The following LIPA variants were observed in gnomAD, a reference collection of about 807,000 sequenced individuals.
LIPA encodes lipase A, lysosomal acid type.
In LIPA, 26 loss-of-function variants were observed where a neutral mutation model predicts 40.6. The ratio of observed to expected loss-of-function variants is 0.64; its 90% CI spans 0.47 to 0.89. LIPA has a LOEUF of 0.89. LIPA is among the 40% of genes least tolerant of loss of function. LIPA has a pLI of 0.00. For synonymous variants in LIPA, 188 were observed against 168.4 expected (o/e 1.12, Z -0.90); for missense variants, 455 against 479.6 (o/e 0.95, Z 0.48).
At chr10:89,239,206 A>G (rs1241726378) in intron 3 of LIPA, among the ~76,000 whole-genome samples, 4 of 152,172 alleles carry the variant, frequency 2.6e-5, no homozygotes, top group Non-Finnish European at 4.4e-5. Context: ...GATACTTTCC[A>G]CTTTCCACAG....
chr10:89,234,825 C>T (rs537333792), intron 3 of LIPA, among the ~76,000 whole-genome samples: 9 of 152,328 alleles, frequency 5.9e-5, no homozygotes, highest in African/African-American at 1.7e-4. Context: ...TAGCTAGCGC[C>T]GATTGCACGC....
chr10:89,240,233 T>C (rs1349290694), intron 3 of LIPA, among the ~76,000 whole-genome samples: 2 of 152,194 alleles, frequency 1.3e-5, no homozygotes, highest in Non-Finnish European at 2.9e-5. Flanking sequence ...TACATCCCTG[T>C]CATGGAGGGC....
rs772645030 is a variant in LIPA at position 89,266,217 on chromosome 10, G to A, written c.-1-18568C>T. Among the ~76,000 whole-genome samples, 83 of 152,130 alleles carry A rather than the reference G, an allele frequency of 5.5e-4. 1 individual carries two copies. Among genetic ancestry groups the A allele is most frequent in the Non-Finnish European group, 1.0e-3 (69 of 68,024 alleles). On this transcript the variant is annotated intron_variant, in intron 1 of 5. Coordinates refer to the LIPA transcript ENST00000282673. ...GACGCAGATATTCCAGTGATGCTACGGTGCTGTTTAGTTACACTAAACACA... is the reference window on the plus strand; with the variant it reads ...GACGCAGATATTCCAGTGATGCTACAGTGCTGTTTAGTTACACTAAACACA...
In LIPA at chr10:89,267,657, C is replaced by T. The variant is rs564897741; in HGVS notation, c.-1-20008G>A. Among the ~76,000 whole-genome samples, 675 of 146,484 alleles carry T rather than the reference C, an allele frequency of 4.6e-3. 1 individual carries two copies. Among genetic ancestry groups the T allele is most frequent in the Non-Finnish European group, 7.4e-3 (493 of 66,958 alleles). ...TGACGAGTTAGTGGGTGCAGCGCACCAGCATGGCACATGTATACATATGTA... is the reference window on the plus strand; with the variant it reads ...TGACGAGTTAGTGGGTGCAGCGCACTAGCATGGCACATGTATACATATGTA... On this transcript the variant is annotated intron_variant, in intron 1 of 5. Coordinates refer to the LIPA transcript ENST00000282673.
chr10:89,294,276 C>A (rs1022760249), intron 1 of LIPA, among the ~76,000 whole-genome samples: 4 of 152,108 alleles, frequency 2.6e-5, no homozygotes, highest in African/African-American at 9.7e-5. Flanking sequence ...CCATTTTTTT[C>A]TGCTATAACA....
chr10:89,349,459 A>C (rs1367042721), intron 2 of LIPA, among the ~76,000 whole-genome samples: 5 of 152,182 alleles, frequency 3.3e-5, no homozygotes, highest in African/African-American at 1.2e-4. Context: ...GCCAGTTTTC[A>C]GTTTATTTCA....
intron 1 of LIPA, among the ~76,000 whole-genome samples, chr10:89,329,658 A>G (rs1226962760): frequency 1.3e-5 from 2 of 152,158 alleles, no homozygotes; most frequent in Non-Finnish European, 2.9e-5. Context: ...CCACTGAGGA[A>G]CTCTGTTGCT....
intron 3 of LIPA, among the ~76,000 whole-genome samples, chr10:89,233,711 C>A (rs576909587): frequency 2.0e-4 from 30 of 152,222 alleles, no homozygotes; most frequent in Non-Finnish European, 7.4e-5. Context: ...GCCAGCCTGG[C>A]CAGCATGGTG....
chr10:89,383,228 A>C lies in LIPA; in HGVS notation c.61+29563T>G. ...ATAATGGAGGCAGGGAAATTAGGATAGAGCATATTTGACTATTTGAAGTGC... is the reference window on the plus strand; with the variant it reads ...ATAATGGAGGCAGGGAAATTAGGATCGAGCATATTTGACTATTTGAAGTGC... On this transcript the variant is annotated intron_variant, in intron 2 of 8. Coordinates refer to the LIPA transcript ENST00000371837. 5.4e-6 allele frequency: 6 copies of C among 1,111,870 alleles called. No individual in the cohort carries two copies. In the South Asian group the frequency reaches 9.1e-5, roughly 17 times the overall value. 68.9% of individuals were successfully genotyped at this position (1,111,870 alleles called of 1,614,324 possible). A position where few individuals can be genotyped will look rare whatever the true frequency, so the allele number is the denominator to read the frequency against.
chr10:89,351,285 C>T (rs1424839667), intron 2 of LIPA, among the ~76,000 whole-genome samples: 1 of 152,214 alleles, frequency 6.6e-6, no homozygotes, highest in Non-Finnish European at 1.5e-5. Flanking sequence ...CACTGCACTC[C>T]AGCCTGGGCA....
intron 2 of LIPA, among the ~76,000 whole-genome samples, chr10:89,354,157 C>G (rs1843976849): frequency 6.6e-6 from 1 of 152,212 alleles, no homozygotes; most frequent in Non-Finnish European, 1.5e-5. Context: ...GACTATTCCT[C>G]TACCCCACCA....
intron 2 of LIPA, chr10:89,384,692 A>G: frequency 1.9e-6 from 3 of 1,614,156 alleles, no homozygotes; most frequent in South Asian, 1.1e-5. Context: ...TTGCTGTGCT[A>G]TGAGAGGGCT....
At chr10:89,334,535 G>A (rs1334866814) in intron 1 of LIPA, among the ~76,000 whole-genome samples, 2 of 98,012 alleles carry the variant, frequency 2.0e-5, no homozygotes, top group Non-Finnish European at 3.9e-5. Flanking sequence ...TTGCTCTTTC[G>A]CCCAGGCTGG....
intron 2 of LIPA, among the ~76,000 whole-genome samples, chr10:89,375,880 T>C (rs1564802485): frequency 6.6e-6 from 1 of 152,086 alleles, no homozygotes; most frequent in Admixed American, 6.6e-5. Flanking sequence ...CTAAATGATA[T>C]CCTGTGCTTG....
chr10:89,286,467 C>T (rs939840607), intron 1 of LIPA, among the ~76,000 whole-genome samples: 3 of 152,172 alleles, frequency 2.0e-5, no homozygotes, highest in African/African-American at 2.4e-5. Context: ...CTAGCCCTCC[C>T]GGACCTGCCC....
chr10:89,245,479 T>G (rs1051655218), intron 3 of LIPA, among the ~76,000 whole-genome samples, 197 bp downstream of exon 3: 13 of 152,224 alleles, frequency 8.5e-5, no homozygotes, highest in African/African-American at 2.9e-4. Flanking sequence ...ATCTGGCCTT[T>G]GAACAAAAAA....
intron 1 of LIPA, among the ~76,000 whole-genome samples, chr10:89,296,044 C>A (rs1843413081): frequency 6.6e-6 from 1 of 152,188 alleles, no homozygotes; most frequent in Non-Finnish European, 1.5e-5. Flanking sequence ...CAACCAGTAC[C>A]TTTATTCACA....
chr10:89,390,930 C>A (rs1363764744), intron 2 of LIPA, among the ~76,000 whole-genome samples: 1 of 152,216 alleles, frequency 6.6e-6, no homozygotes, highest in East Asian at 1.9e-4. Flanking sequence ...ATGGCCTGAT[C>A]ATGTATCTGA....
At chr10:89,362,407 G>A (rs1431101831) in intron 2 of LIPA, 1 of 157,496 alleles carries the variant, frequency 6.3e-6, no homozygotes, top group Non-Finnish European at 1.4e-5. Flanking sequence ...ACAGGGTCTT[G>A]GAAGAGATCC....
Sources: allele counts gnomAD v4.1 joint callset (sites outside exome capture counted in the v4.1 genomes callset), GRCh38; gene constraint gnomAD v4.1.1; transcripts MANE v1.5; gene names NCBI Gene and HGNC (gene_info 2026-07-23, HGNC 2026-07-21).